MICAL2: variants seen among roughly 807,000 people sequenced by gnomAD.
MICAL2 encodes the protein microtubule associated monooxygenase, calponin and LIM domain containing 2.
MICAL2 carries 77 observed loss-of-function variants against 127.3 expected under a neutral mutation model. That is an observed-to-expected ratio of 0.60 (90% confidence interval 0.50 to 0.73). The LOEUF (loss-of-function observed/expected upper bound fraction) is 0.73. MICAL2 is among the 30% of genes least tolerant of loss of function. The pLI is 0.00. For missense variants in MICAL2, 1,351 were observed against 1,434.4 expected (o/e 0.94, Z 0.94); for synonymous variants, 570 against 551.1 (o/e 1.03, Z -0.48).
chr11:12,349,421 A>C (rs988724953), intron 32 of MICAL2, among the ~76,000 whole-genome samples: 3 of 152,148 alleles, frequency 2.0e-5, no homozygotes, highest in African/African-American at 7.2e-5. Flanking sequence ...CCACCTGGGT[A>C]CTCAGTAGGC....
chr11:12,284,501 A>C (rs150017467), intron 2 of MICAL2, among the ~76,000 whole-genome samples: 4 of 152,172 alleles, frequency 2.6e-5, no homozygotes, highest in African/African-American at 9.7e-5. Flanking sequence ...AAATGTGTGC[A>C]TGTGTGTTCT....
rs960080813 is a variant in MICAL2 at position 12,242,333 on chromosome 11, G to C, written c.2457G>C (p.Gly819=). 1 of 1,614,026 alleles carries C rather than the reference G, an allele frequency of 6.2e-7. No individual in the cohort carries two copies. Among genetic ancestry groups the C allele is most frequent in the African/African-American group, 1.3e-5 (1 of 74,918 alleles). ...CCAAGTCTGACCTACAGCTGGGTGG[G>C]ACAGAAAATTTCGCTACCCTGCCTT... is the stretch of plus-strand genomic sequence containing the variant. The part of the protein sequence containing the change: ...ARAKSDLQLG[G]TENFATLPST... Residue 819 remains glycine, a synonymous_variant, in exon 19 of 28, where the codon GGG becomes GGC. Transcript: ENST00000683283.
At chr11:12,137,357 C>T (rs1026937557) in intron 1 of MICAL2, among the ~76,000 whole-genome samples, 2 of 152,218 alleles carry the variant, frequency 1.3e-5, no homozygotes, top group Non-Finnish European at 1.5e-5. Context: ...AGCACAGGGG[C>T]AGCCAGTCCT....
chr11:12,351,527 C>A (rs1455699607), intron 33 of MICAL2, among the ~76,000 whole-genome samples: 2 of 152,124 alleles, frequency 1.3e-5, no homozygotes, highest in Non-Finnish European at 2.9e-5. Context: ...GGTTAAGAAA[C>A]CTTGCCCTAG....
intron 32 of MICAL2, among the ~76,000 whole-genome samples, chr11:12,345,531 AATCTC>A (rs531262802): frequency 1.6e-4 from 24 of 152,362 alleles, no homozygotes; most frequent in African/African-American, 4.3e-4. Flanking sequence ...GTTCTGCAGA[AATCTC>A]AGGAGAAATG....
intron 32 of MICAL2, among the ~76,000 whole-genome samples, chr11:12,346,514 A>G (rs894456769): frequency 5.3e-5 from 8 of 152,158 alleles, no homozygotes; most frequent in Non-Finnish European, 8.8e-5. Context: ...TACATACTTC[A>G]TTCTTTCATC....
At chr11:12,315,721 G>T (rs1409545517) in intron 29 of MICAL2, among the ~76,000 whole-genome samples, 1 of 152,150 alleles carries the variant, frequency 6.6e-6, no homozygotes, top group African/African-American at 2.4e-5. Flanking sequence ...TTGCTGTTTG[G>T]TGAAGTGTTC....
chr11:12,302,094 C>T (rs6485643), intron 29 of MICAL2, among the ~76,000 whole-genome samples: 141,668 of 152,268 alleles, frequency 0.93, 65,943 homozygotes, highest in East Asian at 0.95. Context: ...TGATTGGGTC[C>T]TGAGCTTTCA....
intron 32 of MICAL2, among the ~76,000 whole-genome samples, chr11:12,345,116 C>CAAAAAA (rs796748173): frequency 4.5e-5 from 5 of 110,564 alleles, no homozygotes; most frequent in African/African-American, 1.0e-4. Context: ...GAATCCATCT[C>CAAAAAA]AAAAAAAAAA....
rs1284709295 is a variant in MICAL2 at position 12,255,394 on chromosome 11, G to A, written c.2848-249G>A. 13 of 499,504 alleles carry A rather than the reference G, an allele frequency of 2.6e-5. No homozygotes were observed. In the East Asian group the frequency reaches 2.8e-4, roughly 11 times the overall value. The allele number at this position is 499,504 out of a possible 1,614,324, so 30.9% of individuals were successfully genotyped here. A position where few individuals can be genotyped will look rare whatever the true frequency, so the allele number is the denominator to read the frequency against. Reference sequence around the variant, plus strand: ...GTCTCTACGATTTTGACTACTCTAGGTACCACATATAAGTGGAATCCTAGA... The same window carrying A: ...GTCTCTACGATTTTGACTACTCTAGATACCACATATAAGTGGAATCCTAGA... On this transcript the variant is annotated intron_variant, in intron 22 of 27. Transcript: ENST00000683283.
chr11:12,264,134 C>T (rs1428340214), downstream of MICAL2, among the ~76,000 whole-genome samples: 7 of 152,152 alleles, frequency 4.6e-5, no homozygotes, highest in Admixed American at 6.5e-5. Flanking sequence ...CACACCCAAG[C>T]GTGGCTCTAC....
At chr11:12,334,498 C>T (rs1051612500) in intron 32 of MICAL2, among the ~76,000 whole-genome samples, 3 of 151,402 alleles carry the variant, frequency 2.0e-5, no homozygotes, top group South Asian at 4.2e-4. Flanking sequence ...ATGTGCGCAA[C>T]GTGCAGGTTA....
chr11:12,294,453 C>G (rs1863950464), downstream of MICAL2: 1 of 1,614,212 alleles, frequency 6.2e-7, no homozygotes, highest in African/African-American at 1.3e-5. Flanking sequence ...CCTCCTGACC[C>G]TGCCCTCCGC....
chr11:12,327,680 A>T (rs1161798427), intron 32 of MICAL2, among the ~76,000 whole-genome samples: 6 of 151,086 alleles, frequency 4.0e-5, no homozygotes, highest in Admixed American at 2.6e-4. Flanking sequence ...TTTTTCCTTT[A>T]CTACCTGTAC....
In MICAL2 at chr11:12,226,651, GTT is replaced by G. The variant is rs202072260; in HGVS notation, c.1888+299_1888+300del. On this transcript the variant is annotated intron_variant, in intron 14 of 27. Transcript: ENST00000683283. ...TTTGTTTTTTTGTTGTTTGTTTTTG[GTT>G]TTTTTTTTTTTTTTTTTGAGAGGGA... Among the ~76,000 whole-genome samples, 417 of 126,334 alleles carry G rather than the reference GTT, an allele frequency of 3.3e-3. 4 individuals are homozygous for G. The highest frequency in any genetic ancestry group is 0.01 in the African/African-American group (342 of 33,484). 82.9% of individuals were successfully genotyped at this position (126,334 alleles called of 152,430 possible).
chr11:12,327,106 C>T, intron 31 of MICAL2: 2 of 1,390,978 alleles, frequency 1.4e-6, no homozygotes, highest in Admixed American at 3.9e-5. Context: ...AAGTAAGTGG[C>T]AGAATCAGCC....
intron 4 of MICAL2, among the ~76,000 whole-genome samples, chr11:12,205,762 T>A (rs1181115685): frequency 6.6e-6 from 1 of 152,228 alleles, no homozygotes; most frequent in Non-Finnish European, 1.5e-5. Flanking sequence ...TGCTTTGCAC[T>A]ATGCCTAGCA....
intron 12 of MICAL2, among the ~76,000 whole-genome samples, chr11:12,223,953 C>CCAGCT (rs1236463813): frequency 6.6e-6 from 1 of 151,932 alleles, no homozygotes; most frequent in East Asian, 1.9e-4. Flanking sequence ...CTCCCAGCGC[C>CCAGCT]CAGCTCAGCT....
intron 32 of MICAL2, among the ~76,000 whole-genome samples, chr11:12,343,413 A>AAAAAAAC (rs1938901541): frequency 6.6e-6 from 1 of 151,336 alleles, no homozygotes; most frequent in Non-Finnish European, 1.5e-5. Flanking sequence ...CATTAAAAAA[A>AAAAAAAC]AAAAAAAAAA....
Sources: gnomAD v4.1 joint callset for allele counts (sites outside exome capture counted in the v4.1 genomes callset) on GRCh38, gnomAD v4.1.1 for gene constraint, MANE v1.5 for transcripts, NCBI Gene and HGNC (gene_info 2026-07-23, HGNC 2026-07-21) for gene names.